The following TAX1BP1 variants were observed in gnomAD, a reference collection of about 807,000 sequenced individuals.
TAX1BP1 encodes the protein tax1-binding protein 1.
In TAX1BP1, 62 loss-of-function variants were observed where a neutral mutation model predicts 97.7. That is an observed-to-expected ratio of 0.63 (90% confidence interval 0.52 to 0.78). The LOEUF (loss-of-function observed/expected upper bound fraction) is 0.78, where lower values mean the gene tolerates loss of function less well. Among genes scored for constraint, TAX1BP1 ranks in the 30% least tolerant of loss-of-function variants. The pLI, the probability that TAX1BP1 is intolerant of heterozygous loss-of-function variation, is 0.00. For synonymous variants in TAX1BP1, 340 were observed against 304.2 expected (o/e 1.12, Z -1.23); for missense variants, 867 against 916.1 (o/e 0.95, Z 0.69).
rs1583717559 is a variant in TAX1BP1 at position 27,796,197 on chromosome 7, A to G, written c.1616A>G (p.Asn539Ser). ...KEIADKTEKY[N>S]KCKQLLQDEK... Reference sequence around the variant, plus strand: ...ATTGCTGACAAAACAGAAAAGTATAATAAATGTAAACAACTCTTGCAGGTA... The same window carrying G: ...ATTGCTGACAAAACAGAAAAGTATAGTAAATGTAAACAACTCTTGCAGGTA... The change falls in exon 12 of 17, where the codon AAT (asparagine) becomes AGT (serine). Residue 539 changes from asparagine to serine, a missense_variant. Physicochemically the swap from Asn to Ser is conservative, Grantham distance 46. Transcript: ENST00000396319. The G allele has an allele frequency of 6.3e-7, 1 of 1,588,822 alleles. No homozygotes were observed. The highest frequency in any genetic ancestry group is 2.3e-5 in the East Asian group (1 of 44,286).
At chr7:27,759,575 C>T (rs1788348594) in intron 3 of TAX1BP1, among the ~76,000 whole-genome samples, 1 of 151,914 alleles carries the variant, frequency 6.6e-6, no homozygotes, top group Non-Finnish European at 1.5e-5. Flanking sequence ...CTATTGAGAA[C>T]TTTATTTGCC....
chr7:27,819,570 G>A (rs1035898283), intron 15 of TAX1BP1, among the ~76,000 whole-genome samples: 4 of 152,144 alleles, frequency 2.6e-5, no homozygotes, highest in Admixed American at 1.3e-4. Flanking sequence ...AGTTGTTCAC[G>A]TGGTATATGA....
rs534554325 is a variant in TAX1BP1 at position 27,775,698 on chromosome 7, C to T, written c.612+5864C>T. On this transcript the variant is annotated intron_variant, in intron 5 of 16. Coordinates refer to ENST00000396319, the MANE Select transcript of TAX1BP1 (RefSeq NM_006024.7). ...GGTAGTAGTAGCCAGGCTGCAATTG[C>T]CCTACCTTCTGTGGAATCCTCTTTC... 1.3e-4 allele frequency among the ~76,000 whole-genome samples: 20 copies of T among 152,196 alleles called. No homozygotes were observed. The South Asian group carries it at 3.9e-3, about 30-fold the overall frequency.
At chr7:27,751,453 C>T (rs1788018235) in intron 2 of TAX1BP1, among the ~76,000 whole-genome samples, 1 of 152,020 alleles carries the variant, frequency 6.6e-6, no homozygotes, top group Non-Finnish European at 1.5e-5. Flanking sequence ...ACTACTGATG[C>T]ATCATAGTGT....
At chr7:27,787,676 T>G in intron 8 of TAX1BP1, 73 bp downstream of exon 8, 1 of 1,314,468 alleles carries the variant, frequency 7.6e-7, no homozygotes, top group Non-Finnish European at 1.0e-6. Context: ...TGATTTTCAT[T>G]TTTAATTCCC....
intron 1 of TAX1BP1, among the ~76,000 whole-genome samples, chr7:27,744,860 G>A (rs530525670): frequency 6.6e-6 from 1 of 152,034 alleles, no homozygotes; most frequent in Admixed American, 6.5e-5. Context: ...TAATGCATTC[G>A]CAAAATAATA....
chr7:27,769,729 C>A lies in TAX1BP1; in HGVS notation c.507C>A (p.Ala169=). 1 of 1,612,010 alleles carries A rather than the reference C, an allele frequency of 6.2e-7. No individual in the cohort carries two copies. Among genetic ancestry groups the A allele is most frequent in the South Asian group, 1.1e-5 (1 of 90,688 alleles). ...AAGAAGAACTGTTAAAGTTAATTGCCGTTCTGGAAAAAGAAACAGCACAAC... is the reference window on the plus strand; with the variant it reads ...AAGAAGAACTGTTAAAGTTAATTGCAGTTCTGGAAAAAGAAACAGCACAAC... ...KEKEELLKLI[A]VLEKETAQLR... Residue 169 remains alanine, a synonymous_variant, in exon 5 of 17, where the codon GCC becomes GCA. Transcript: ENST00000396319.
At position 27,829,322 on chromosome 7, in the gene TAX1BP1, GTTT is replaced by G. The variant is rs1782609883; in HGVS notation, c.*496_*498del. 1 of 152,208 alleles carries G rather than the reference GTTT, an allele frequency of 6.6e-6. No individual in the cohort carries two copies. Among genetic ancestry groups the G allele is most frequent in the Non-Finnish European group, 1.5e-5 (1 of 68,068 alleles). 9.4% of individuals were successfully genotyped at this position (152,208 alleles called of 1,614,324 possible). On this transcript the variant is annotated 3_prime_UTR_variant, in exon 17 of 17. Transcript: ENST00000396319. Reference sequence around the variant, plus strand: ...TATAATTTAGCCCATGAAATGATAGGTTTTTAATTTTCAGAAATGGAGCTGCAT... The same window carrying G: ...TATAATTTAGCCCATGAAATGATAGGTTAATTTTCAGAAATGGAGCTGCAT...
intron 13 of TAX1BP1, 141 bp downstream of exon 13, chr7:27,800,231 T>C (rs1268478133): frequency 2.4e-6 from 2 of 816,766 alleles, no homozygotes; most frequent in Admixed American, 3.9e-5. Flanking sequence ...ACTATATATT[T>C]AGTTACATAA....
rs772744806 is a variant in TAX1BP1 at position 27,769,727 on chromosome 7, G to A, written c.505G>A (p.Ala169Thr). Residue 169 changes from alanine to threonine, a missense_variant, in exon 5 of 17, where the codon GCC becomes ACC. Physicochemically the swap from Ala to Thr is moderately conservative, Grantham distance 58. Coordinates refer to ENST00000396319, the MANE Select transcript of TAX1BP1 (RefSeq NM_006024.7). ...AAAAGAAGAACTGTTAAAGTTAATT[G>A]CCGTTCTGGAAAAAGAAACAGCACA... ...KEKEELLKLIAVLEKETAQLR... is the reference protein window; with the variant it reads ...KEKEELLKLITVLEKETAQLR... 6.2e-7 allele frequency: 1 copy of A among 1,612,240 alleles called. No individual in the cohort carries two copies. The highest frequency in any genetic ancestry group is 8.5e-7 in the Non-Finnish European group (1 of 1,178,964).
At position 27,742,724 on chromosome 7, in the gene TAX1BP1, C is replaced by A. The variant is rs1787669666; in HGVS notation, c.-8+2455C>A. On this transcript the variant is annotated intron_variant, in intron 1 of 16. Coordinates refer to ENST00000396319, the MANE Select transcript of TAX1BP1 (RefSeq NM_006024.7). ...CTCTTGATCCGCCTGCCTCGGCCTT[C>A]CAAAGTGCTGGGATTACAGGTGTGA... is the stretch of plus-strand genomic sequence containing the variant. Among the ~76,000 whole-genome samples, 4 of 152,182 alleles carry A rather than the reference C, an allele frequency of 2.6e-5. No individual in the cohort carries two copies. In the South Asian group the frequency reaches 8.3e-4, roughly 31 times the overall value.
intron 16 of TAX1BP1, 106 bp downstream of exon 16, chr7:27,827,926 A>G (rs1791249658): frequency 3.3e-6 from 3 of 907,006 alleles, no homozygotes; most frequent in African/African-American, 3.3e-5. Flanking sequence ...GGCCTGGCCT[A>G]GCTGAACCAG....
Position 27,758,116 on chromosome 7 carries a change from G to T in TAX1BP1, c.248G>T (p.Cys83Phe). ...TATGTGGAAGGATCAACAGTCAATT[G>T]TGTACTAGCATTCCAAGGTAAGGAC... Reference protein sequence around the residue: ...EHYVEGSTVNCVLAFQGYYLP... With the variant: ...EHYVEGSTVNFVLAFQGYYLP... The change falls in exon 3 of 17, where the codon TGT (cysteine) becomes TTT (phenylalanine). Residue 83 changes from cysteine (C) to phenylalanine (F), a missense_variant. Physicochemically the swap from Cys to Phe is radical, Grantham distance 205 (BLOSUM62 -2). Around this residue, in one of 3 missense-constraint regions of TAX1BP1, gnomAD observed 822 missense variants for 851.4 expected, o/e 0.97. Coordinates refer to ENST00000396319, the MANE Select transcript of TAX1BP1 (RefSeq NM_006024.7). The T allele has an allele frequency of 6.2e-7, 1 of 1,610,366 alleles. No homozygotes were observed. Among genetic ancestry groups the T allele is most frequent in the Non-Finnish European group, 8.5e-7 (1 of 1,178,408 alleles).
rs1163305847 is a variant in TAX1BP1, at chr7:27,828,675, C to G, written c.2216C>G (p.Pro739Arg). The G allele has an allele frequency of 2.5e-6, 4 of 1,613,954 alleles. No individual in the cohort carries two copies. Among genetic ancestry groups the G allele is most frequent in the Non-Finnish European group, 3.4e-6 (4 of 1,179,940 alleles). The part of the protein sequence containing the change: ...KCPLCELMFP[P>R]NYDQSKFEEH... ...CCCCTCTGTGAGTTAATGTTTCCTC[C>G]TAACTATGATCAGAGCAAATTTGAA... The change falls in exon 17 of 17, where the codon CCT becomes CGT. Residue 739 changes from proline to arginine, a missense_variant. Pro to Arg is a moderately radical substitution (Grantham distance 103, BLOSUM62 -2). Coordinates refer to ENST00000396319, the MANE Select transcript of TAX1BP1 (RefSeq NM_006024.7).
Position 27,828,918 on chromosome 7 carries a change from C to T in TAX1BP1, c.*89C>T, listed in dbSNP as rs1275710328. ...ATAGACCACTGAGGAGACCATAGAG[C>T]GGATGCTTTCATGCACCCTTTACTG... On this transcript the variant is annotated 3_prime_UTR_variant, in exon 17 of 17. Coordinates refer to ENST00000396319, the MANE Select transcript of TAX1BP1 (RefSeq NM_006024.7). 26 of 1,106,904 alleles carry T rather than the reference C, an allele frequency of 2.3e-5. No individual in the cohort carries two copies. The highest frequency in any genetic ancestry group is 5.0e-5 in the East Asian group (2 of 39,800). The allele number at this position is 1,106,904 out of a possible 1,614,324, so 68.6% of individuals were successfully genotyped here. A position where few individuals can be genotyped will look rare whatever the true frequency, so the allele number is the denominator to read the frequency against.
In TAX1BP1 at chr7:27,792,882, G is replaced by A. The variant is rs565298595; in HGVS notation, c.1264-184G>A. Among the ~76,000 whole-genome samples the A allele has an allele frequency of 2.6e-5, 4 of 152,196 alleles. No individual in the cohort carries two copies. The East Asian group carries it at 7.7e-4, about 29-fold the overall frequency. Reference sequence around the variant, plus strand: ...AAAGGCTGAGACAAGAGGATTGCTTGAGCCAGGAGGTCAAGGCTGCAGTGA... The same window carrying A: ...AAAGGCTGAGACAAGAGGATTGCTTAAGCCAGGAGGTCAAGGCTGCAGTGA... On this transcript the variant is annotated intron_variant, in intron 9 of 16. Transcript: ENST00000396319.
chr7:27,759,855 C>CTT (rs777663697), intron 3 of TAX1BP1, among the ~76,000 whole-genome samples: 10 of 139,186 alleles, frequency 7.2e-5, no homozygotes, highest in South Asian at 2.3e-4. Context: ...TTTTGTAAAT[C>CTT]TTTTTTTTTT....
At chr7:27,803,528 A>C (rs140027373) in intron 13 of TAX1BP1, among the ~76,000 whole-genome samples, 4 of 152,220 alleles carry the variant, frequency 2.6e-5, no homozygotes, top group Non-Finnish European at 5.9e-5. Context: ...TTTCATAATA[A>C]TACTACAACA....
intron 12 of TAX1BP1, 147 bp from the exon 13 acceptor site, chr7:27,799,818 T>C (rs1175873978): frequency 1.1e-5 from 5 of 465,452 alleles, no homozygotes; most frequent in Non-Finnish European, 1.8e-5. Flanking sequence ...TATCCAATTG[T>C]CTATTAATAG....
Sources: gnomAD v4.1 joint callset for allele counts (sites outside exome capture counted in the v4.1 genomes callset) on GRCh38, gnomAD v4.1.1 for gene constraint, gnomAD v4.1.1 regional missense constraint, MANE v1.5 for transcripts, NCBI Gene and HGNC (gene_info 2026-07-23, HGNC 2026-07-21) for gene names.